RNF157: variants seen among roughly 807,000 people sequenced by gnomAD.
RNF157 encodes the protein ring finger protein 157.
In RNF157, 55 loss-of-function variants were observed where a neutral mutation model predicts 88.3. The ratio of observed to expected loss-of-function variants is 0.62; its 90% CI spans 0.50 to 0.78. The LOEUF (loss-of-function observed/expected upper bound fraction) is 0.78, where lower values mean the gene tolerates loss of function less well. Among genes scored for constraint, RNF157 ranks in the 30% least tolerant of loss-of-function variants. The probability of loss-of-function intolerance (pLI) is 0.00; values close to 1 mark genes in which losing one functional copy is unlikely to be tolerated. For synonymous variants in RNF157, 334 were observed against 341.2 expected (o/e 0.98, Z 0.23); for missense variants, 788 against 860.8 (o/e 0.92, Z 1.06).
intron 1 of RNF157, chr17:76,226,081 T>C (rs764003241): frequency 3.2e-5 from 52 of 1,601,948 alleles, no homozygotes; most frequent in Non-Finnish European, 4.4e-5. Context: ...GGCTCCTATT[T>C]GGAGAGCCCC....
intron 8 of RNF157, chr17:76,163,294 G>A (rs1235538225): frequency 6.7e-6 from 1 of 150,258 alleles, no homozygotes; most frequent in Non-Finnish European, 1.5e-5. Flanking sequence ...CTGGGTTCAA[G>A]CGATTCTCCT....
chr17:76,184,001 C>T (rs746910820), intron 2 of RNF157, among the ~76,000 whole-genome samples: 5 of 151,916 alleles, frequency 3.3e-5, no homozygotes, highest in African/African-American at 4.8e-5. Flanking sequence ...ACCAGCCTGG[C>T]CAGCATGGTG....
chr17:76,231,998 T>C (rs1189337453), intron 1 of RNF157, among the ~76,000 whole-genome samples: 3 of 152,246 alleles, frequency 2.0e-5, no homozygotes. Context: ...TCATACGATA[T>C]ATAGTCTTGC....
chr17:76,207,821 C>T (rs1166579789), intron 2 of RNF157, among the ~76,000 whole-genome samples: 2 of 152,170 alleles, frequency 1.3e-5, no homozygotes, highest in Non-Finnish European at 2.9e-5. Context: ...GCATGTTGTG[C>T]AGTAATGGCA....
intron 18 of RNF157, among the ~76,000 whole-genome samples, chr17:76,151,579 G>A (rs546528998): frequency 1.3e-5 from 2 of 152,246 alleles, no homozygotes; most frequent in Non-Finnish European, 1.5e-5. Flanking sequence ...GACTCAGTCC[G>A]CTTGGGCAAG....
intron 2 of RNF157, among the ~76,000 whole-genome samples, chr17:76,179,884 G>A (rs181908251): frequency 6.6e-5 from 10 of 152,234 alleles, no homozygotes; most frequent in Non-Finnish European, 1.2e-4. Context: ...ATTAGCAATC[G>A]TTTTCTCAGT....
chr17:76,172,410 G>A (rs986208189), intron 3 of RNF157, among the ~76,000 whole-genome samples: 1 of 151,952 alleles, frequency 6.6e-6, no homozygotes. Flanking sequence ...TGACCAACAT[G>A]GAGAAACTCT....
chr17:76,231,455 C>G (rs1025083062), intron 1 of RNF157, among the ~76,000 whole-genome samples: 3 of 152,094 alleles, frequency 2.0e-5, no homozygotes, highest in African/African-American at 7.2e-5. Context: ...CACCACCATG[C>G]CTGGCTAATT....
intron 2 of RNF157, among the ~76,000 whole-genome samples, chr17:76,186,233 C>T (rs1322192070): frequency 2.0e-5 from 3 of 152,152 alleles, no homozygotes; most frequent in African/African-American, 2.4e-5. Context: ...GGGCCAGGTG[C>T]GGTGACTCAT....
chr17:76,211,355 C>A (rs145387754), intron 2 of RNF157, among the ~76,000 whole-genome samples: 28 of 152,256 alleles, frequency 1.8e-4, no homozygotes, highest in Admixed American at 1.7e-3. Flanking sequence ...CAGTGTAACA[C>A]TGAAGCAACC....
chr17:76,210,798 C>T lies in RNF157; in HGVS notation c.207+1566G>A, dbSNP rs890009806. 3.3e-5 allele frequency among the ~76,000 whole-genome samples: 5 copies of T among 151,882 alleles called. No homozygotes were observed. The South Asian group carries it at 6.2e-4, about 19-fold the overall frequency. On this transcript the variant is annotated intron_variant, in intron 2 of 18. Coordinates refer to ENST00000269391, the MANE Select transcript of RNF157 (RefSeq NM_052916.3). Reference sequence around the variant, plus strand: ...AAAAAACCTATCAAGGTAACACAGCCGCCACCTACCTTTCTCTTTTTTTTG... The same window carrying T: ...AAAAAACCTATCAAGGTAACACAGCTGCCACCTACCTTTCTCTTTTTTTTG...
At position 76,240,319 on chromosome 17, in the gene RNF157, G is replaced by A; in HGVS notation, c.-79C>T. The A allele has an allele frequency of 9.0e-6, 6 of 669,462 alleles. No individual in the cohort carries two copies. The highest frequency in any genetic ancestry group is 1.1e-5 in the Non-Finnish European group (6 of 544,052). 41.5% of individuals were successfully genotyped at this position (669,462 alleles called of 1,614,324 possible). A position where few individuals can be genotyped will look rare whatever the true frequency, so the allele number is the denominator to read the frequency against. ...GCTTCACCGCGGCCGCCCGCCCCGC[G>A]CCCGGTGCGGGGGCCGACTGCCCGC... is the stretch of plus-strand genomic sequence containing the variant. On this transcript the variant is annotated 5_prime_UTR_variant, in exon 1 of 19. Transcript: ENST00000269391. The surrounding 1 kb of genome is among the most constrained non-coding windows in gnomAD (Gnocchi z 4.4).
intron 2 of RNF157, among the ~76,000 whole-genome samples, chr17:76,188,963 A>G (rs924321309): frequency 2.0e-5 from 3 of 152,212 alleles, no homozygotes; most frequent in South Asian, 4.1e-4. Flanking sequence ...TGATATTTCA[A>G]AAGAAAACAT....
chr17:76,161,405 G>T lies in RNF157; in HGVS notation c.1065+130C>A. 2 of 737,118 alleles carry T rather than the reference G, an allele frequency of 2.7e-6. No individual in the cohort carries two copies. The highest frequency in any genetic ancestry group is 4.7e-6 in the Non-Finnish European group (2 of 426,114). The allele number at this position is 737,118 out of a possible 1,614,324, so 45.7% of individuals were successfully genotyped here. On this transcript the variant is annotated intron_variant, in intron 11 of 18. Transcript: ENST00000269391. The surrounding 1 kb of genome is among the most constrained non-coding windows in gnomAD (Gnocchi z 4.6). ...TTGGTTTTAACGCATGCTCTCAGCC[G>T]GCTTGCTAAATACTGCAGCATGCCC...
intron 1 of RNF157, among the ~76,000 whole-genome samples, chr17:76,239,724 G>A (rs905058566): frequency 1.3e-5 from 2 of 152,204 alleles, no homozygotes; most frequent in Non-Finnish European, 2.9e-5. Context: ...TTTGGATGCC[G>A]AGGTCGCCTC....
intron 18 of RNF157, among the ~76,000 whole-genome samples, chr17:76,147,927 T>C (rs1386467455): frequency 6.6e-6 from 1 of 152,188 alleles, no homozygotes. Flanking sequence ...CCTCTAGAGG[T>C]AGATTTTGGG....
rs767684454 is a variant in RNF157, at chr17:76,152,416, G to A, written c.1860C>T (p.Asp620=). 6.2e-7 allele frequency: 1 copy of A among 1,613,992 alleles called. No homozygotes were observed. The highest frequency in any genetic ancestry group is 2.2e-5 in the East Asian group (1 of 44,886). ...GTGCTTTCACGCTTGCGATGTCAAA[G>A]TCATTGTTATTGTCACACTCCATAC... ...FLGMECDNNN[D]FDIASVKALD... The change falls in exon 18 of 19, where the codon GAC becomes GAT. Residue 620 remains aspartate (D), a synonymous_variant. Transcript: ENST00000269391.
intron 2 of RNF157, among the ~76,000 whole-genome samples, chr17:76,210,212 ATAACT>A (rs1451722903): frequency 5.9e-5 from 9 of 152,338 alleles, no homozygotes; most frequent in South Asian, 2.1e-4. Flanking sequence ...ATTACTTGAC[ATAACT>A]TAACTTGAAG....
chr17:76,187,718 C>T (rs973425266), intron 2 of RNF157, among the ~76,000 whole-genome samples: 3 of 152,188 alleles, frequency 2.0e-5, no homozygotes, highest in Non-Finnish European at 4.4e-5. Context: ...CTCAGCTTCT[C>T]GAGTAGCTGG....
Sources: gnomAD v4.1 joint callset for allele counts (sites outside exome capture counted in the v4.1 genomes callset) on GRCh38, gnomAD v4.1.1 for gene constraint, Gnocchi (gnomAD v3.1) non-coding constraint, MANE v1.5 for transcripts, NCBI Gene and HGNC (gene_info 2026-07-23, HGNC 2026-07-21) for gene names.